The following HDAC9 variants were observed in gnomAD, a reference collection of about 807,000 sequenced individuals.
HDAC9 encodes the protein MEF-2 interacting transcription repressor (MITR) protein.
HDAC9 carries 41 observed loss-of-function variants against 139.4 expected under a neutral mutation model. The ratio of observed to expected loss-of-function variants is 0.29; its 90% CI spans 0.23 to 0.38. The LOEUF (loss-of-function observed/expected upper bound fraction) is 0.38, where lower values mean the gene tolerates loss of function less well. HDAC9 is among the 10% of genes least tolerant of loss of function. The probability of loss-of-function intolerance (pLI) is 1.00; values close to 1 mark genes in which losing one functional copy is unlikely to be tolerated. For missense variants in HDAC9, 1,147 were observed against 1,297.0 expected, an observed-to-expected ratio of 0.88 and a Z score of 1.78; for synonymous variants, 517 against 476.2, an observed-to-expected ratio of 1.09 and a Z score of -1.12.
intron 1 of HDAC9, among the ~76,000 whole-genome samples, chr7:18,137,984 C>T (rs1055226336): frequency 6.6e-6 from 1 of 151,792 alleles, no homozygotes; most frequent in African/African-American, 2.4e-5. Context: ...AATTTCAGAT[C>T]CTGTTATTGG....
intron 1 of HDAC9, among the ~76,000 whole-genome samples, chr7:18,329,486 T>G (rs1342973887): frequency 1.3e-5 from 2 of 151,590 alleles, no homozygotes; most frequent in Non-Finnish European, 2.9e-5. Context: ...GAAGGCCACT[T>G]TGGTAAGTGT....
chr7:18,426,276 C>T lies in HDAC9; in HGVS notation c.-41-69986C>T, dbSNP rs183066880. ...CTCTGAAAGCAGCTGCTATGCAAGT[C>T]ATTTGTCATTCTTTTCCACTAAGTG... On this transcript the variant is annotated intron_variant, in intron 1 of 3. Coordinates refer to the HDAC9 transcript ENST00000413509. Among the ~76,000 whole-genome samples, 204 of 152,268 alleles carry T rather than the reference C, an allele frequency of 1.3e-3. 1 individual carries two copies. The highest frequency in any genetic ancestry group is 4.5e-3 in the African/African-American group (189 of 41,556).
At chr7:18,144,122 T>A (rs1283499063) in intron 1 of HDAC9, among the ~76,000 whole-genome samples, 1 of 152,092 alleles carries the variant, frequency 6.6e-6, no homozygotes, top group African/African-American at 2.4e-5. Context: ...TATTGAAAAA[T>A]TCTGGAAATA....
intron 16 of HDAC9, among the ~76,000 whole-genome samples, chr7:18,780,757 C>T (rs541242841): frequency 2.8e-4 from 43 of 152,052 alleles, no homozygotes; most frequent in African/African-American, 8.7e-4. Flanking sequence ...TTCATTCCCT[C>T]GACAAAATTT....
chr7:18,309,487 G>C (rs2128622867), intron 1 of HDAC9, among the ~76,000 whole-genome samples: 1 of 152,268 alleles, frequency 6.6e-6, no homozygotes, highest in African/African-American at 2.4e-5. Context: ...AAATGGTAAA[G>C]GTAGCCTCAC....
intron 2 of HDAC9, among the ~76,000 whole-genome samples, chr7:18,240,369 T>C (rs758003228): frequency 7.2e-5 from 11 of 152,182 alleles, no homozygotes; most frequent in Non-Finnish European, 1.3e-4. Context: ...TTTTCCCCTA[T>C]GGAAAAAGTA....
At chr7:18,496,047 C>A in intron 1 of HDAC9, 24 bp downstream of exon 1, 1 of 1,438,388 alleles carries the variant, frequency 7.0e-7, no homozygotes, top group South Asian at 1.5e-5. Context: ...GAAAAGTGTC[C>A]AGGTCTTTTT....
intron 12 of HDAC9, among the ~76,000 whole-genome samples, chr7:18,708,419 C>A (rs1562871011): frequency 6.6e-6 from 1 of 152,170 alleles, no homozygotes; most frequent in African/African-American, 2.4e-5. Context: ...CTAACTGTCA[C>A]ATGTTTAAAA....
At chr7:18,928,167 C>T (rs962276145) in intron 22 of HDAC9, among the ~76,000 whole-genome samples, 2 of 152,168 alleles carry the variant, frequency 1.3e-5, no homozygotes, top group African/African-American at 2.4e-5. Context: ...AGAGAATTCC[C>T]TGTTCAACCT....
intron 17 of HDAC9, among the ~76,000 whole-genome samples, chr7:18,804,929 G>C (rs1179147240): frequency 1.3e-5 from 2 of 152,120 alleles, no homozygotes; most frequent in Non-Finnish European, 2.9e-5. Context: ...TGAGTAGCTG[G>C]GACTACAGGT....
At chr7:18,634,822 G>A (rs1783396353) in intron 8 of HDAC9, 80 bp downstream of exon 8, 10 of 805,590 alleles carry the variant, frequency 1.2e-5, no homozygotes, top group Non-Finnish European at 2.1e-5. Flanking sequence ...TTTCTGAGTT[G>A]ACCTTCAATA....
chr7:18,512,403 T>C (rs920215395), intron 2 of HDAC9, among the ~76,000 whole-genome samples: 3 of 152,118 alleles, frequency 2.0e-5, no homozygotes, highest in Non-Finnish European at 2.9e-5. Flanking sequence ...CAAAATGTAA[T>C]AGTGCTAGCA....
At chr7:18,317,601 C>G (rs1244048532) in intron 1 of HDAC9, among the ~76,000 whole-genome samples, 2 of 152,158 alleles carry the variant, frequency 1.3e-5, no homozygotes, top group South Asian at 2.1e-4. Context: ...GAGTAACTGG[C>G]TCCAGTTGTT....
Position 18,330,527 on chromosome 7 carries a change from A to G in HDAC9, c.-42+40012A>G, listed in dbSNP as rs181702188. On this transcript the variant is annotated intron_variant, in intron 1 of 3. Transcript: ENST00000413509. ...TATTAACTTCAGAAAAACCAAAGAG[A>G]ATTAATCTCTTAGAATACTTCTGAA... Among the ~76,000 whole-genome samples, 656 of 151,614 alleles carry G rather than the reference A, an allele frequency of 4.3e-3. 4 individuals carry two copies. Among genetic ancestry groups the G allele is most frequent in the Non-Finnish European group, 4.5e-3 (303 of 67,688 alleles).
At chr7:18,807,496 T>C (rs1220026160) in intron 17 of HDAC9, among the ~76,000 whole-genome samples, 1 of 152,140 alleles carries the variant, frequency 6.6e-6, no homozygotes, top group Non-Finnish European at 1.5e-5. Flanking sequence ...AGTTTACTCT[T>C]CTTTTTTTTA....
chr7:18,403,824 G>A (rs1167752810), intron 1 of HDAC9, among the ~76,000 whole-genome samples: 1 of 152,142 alleles, frequency 6.6e-6, no homozygotes, highest in Non-Finnish European at 1.5e-5. Flanking sequence ...AAGACATATT[G>A]TAAACATTGG....
intron 12 of HDAC9, among the ~76,000 whole-genome samples, chr7:18,693,607 G>C (rs181607674): frequency 5.9e-5 from 9 of 152,266 alleles, no homozygotes; most frequent in Non-Finnish European, 1.0e-4. Context: ...GTTGCTCATA[G>C]AGCAGGAAGG....
At chr7:18,690,910 T>C (rs1014906496) in intron 12 of HDAC9, among the ~76,000 whole-genome samples, 1 of 151,972 alleles carries the variant, frequency 6.6e-6, no homozygotes, top group African/African-American at 2.4e-5. Flanking sequence ...CAAAAGCATA[T>C]TTCTGTTTGA....
intron 14 of HDAC9, 33 bp downstream of exon 14, chr7:18,749,171 C>G: frequency 6.2e-7 from 1 of 1,606,864 alleles, no homozygotes; most frequent in South Asian, 1.1e-5. Context: ...CTTTTACTTA[C>G]TTAAATAAAT....
Sources: allele counts gnomAD v4.1 joint callset (sites outside exome capture counted in the v4.1 genomes callset), GRCh38; gene constraint gnomAD v4.1.1; transcripts MANE v1.5; gene names NCBI Gene and HGNC (gene_info 2026-07-23, HGNC 2026-07-21).